WWOX: variants seen among roughly 807,000 people sequenced by gnomAD.
WWOX encodes the protein WW domain containing oxidoreductase, also known as WW domain-containing oxidoreductase.
In WWOX, 69 loss-of-function variants were observed where a neutral mutation model predicts 46.2. The observed-to-expected ratio is 1.49, with a 90% confidence interval of 1.23 to 1.82. The LOEUF (loss-of-function observed/expected upper bound fraction) is 1.82. Among genes scored for constraint, WWOX ranks in the 40% most tolerant of loss-of-function variants. The pLI is 0.00. For synonymous variants in WWOX, 359 were observed against 202.6 expected (o/e 1.77, Z -6.56); for missense variants, 919 against 542.6 (o/e 1.69, Z -6.89).
chr16:79,000,905 T>G (rs2047079592), intron 8 of WWOX, among the ~76,000 whole-genome samples: 1 of 152,172 alleles, frequency 6.6e-6, no homozygotes, highest in Non-Finnish European at 1.5e-5. Context: ...TGTGTGATGA[T>G]TTAATTAATA....
chr16:78,885,588 C>T (rs1185229370), intron 8 of WWOX, among the ~76,000 whole-genome samples: 1 of 152,112 alleles, frequency 6.6e-6, no homozygotes, highest in African/African-American at 2.4e-5. Context: ...TTCTGCTAAC[C>T]AAAATTCAGA....
chr16:78,165,124 G>T (rs184500775), intron 5 of WWOX, among the ~76,000 whole-genome samples: 1 of 152,214 alleles, frequency 6.6e-6, no homozygotes, highest in Admixed American at 6.5e-5. Context: ...GCTGTTGGGG[G>T]ATGGGTATCT....
At chr16:78,842,894 A>G (rs2052198699) in intron 8 of WWOX, among the ~76,000 whole-genome samples, 1 of 149,886 alleles carries the variant, frequency 6.7e-6, no homozygotes, top group Admixed American at 6.7e-5. Flanking sequence ...ATAAAGATAG[A>G]CTTAAAATAC....
intron 8 of WWOX, among the ~76,000 whole-genome samples, chr16:79,196,152 AT>A (rs1354934158): frequency 5.3e-5 from 8 of 152,232 alleles, no homozygotes; most frequent in Admixed American, 5.2e-4. Flanking sequence ...AGCAAAAATC[AT>A]CCTCTTCTCT....
chr16:78,358,678 G>GCA (rs2081347550), intron 5 of WWOX, among the ~76,000 whole-genome samples: 1 of 65,340 alleles, frequency 1.5e-5, no homozygotes, highest in African/African-American at 3.8e-5. Flanking sequence ...TAATATGTGT[G>GCA]TGTGTGTGTG....
chr16:78,874,255 C>CAAA (rs55971104), intron 8 of WWOX, among the ~76,000 whole-genome samples: 22 of 91,518 alleles, frequency 2.4e-4, no homozygotes, highest in African/African-American at 8.7e-4. Context: ...GACTCTGTCT[C>CAAA]AAAAAAAAAA....
chr16:79,172,735 T>G (rs935500151), intron 8 of WWOX, among the ~76,000 whole-genome samples: 5 of 152,116 alleles, frequency 3.3e-5, no homozygotes, highest in African/African-American at 1.2e-4. Context: ...GTAACCTAAA[T>G]GCCTTCACGG....
At chr16:78,827,965 G>GT (rs2051709634) in intron 8 of WWOX, among the ~76,000 whole-genome samples, 6 of 152,326 alleles carry the variant, frequency 3.9e-5, no homozygotes, top group South Asian at 4.1e-4. Flanking sequence ...GACATGACTG[G>GT]GGACAGAGTT....
At chr16:78,893,165 C>T (rs561198080) in intron 8 of WWOX, among the ~76,000 whole-genome samples, 9 of 151,070 alleles carry the variant, frequency 6.0e-5, no homozygotes, top group African/African-American at 1.5e-4. Context: ...CAAAGACACA[C>T]GACTATGAGA....
chr16:78,628,873 C>T (rs1054917623), intron 8 of WWOX, among the ~76,000 whole-genome samples: 5 of 152,274 alleles, frequency 3.3e-5, no homozygotes, highest in South Asian at 4.1e-4. Context: ...TTGTGAATCT[C>T]CCATTAGTGA....
At chr16:78,292,080 TTC>T (rs1238513909) in intron 5 of WWOX, among the ~76,000 whole-genome samples, 11 of 151,028 alleles carry the variant, frequency 7.3e-5, no homozygotes, top group South Asian at 2.1e-4. Flanking sequence ...TTTTTTTTTT[TTC>T]CCTTGAGACA....
intron 8 of WWOX, among the ~76,000 whole-genome samples, chr16:78,981,255 G>T (rs2046675571): frequency 6.6e-6 from 1 of 152,044 alleles, no homozygotes; most frequent in African/African-American, 2.4e-5. Flanking sequence ...CCTCTTATTA[G>T]GATTTCTCTG....
At chr16:78,863,483 A>G (rs529792185) in intron 8 of WWOX, among the ~76,000 whole-genome samples, 1 of 152,304 alleles carries the variant, frequency 6.6e-6, no homozygotes. Context: ...TCAGAGAGTC[A>G]CCAATGGACC....
intron 8 of WWOX, among the ~76,000 whole-genome samples, chr16:78,476,383 A>G (rs982855851): frequency 6.6e-6 from 1 of 152,062 alleles, no homozygotes; most frequent in Admixed American, 6.6e-5. Flanking sequence ...GCATGTTCTC[A>G]CTCATAGGTG....
intron 5 of WWOX, among the ~76,000 whole-genome samples, chr16:78,353,175 C>T (rs1161555088): frequency 6.6e-6 from 1 of 152,158 alleles, no homozygotes; most frequent in Admixed American, 6.5e-5. Flanking sequence ...TTCATCATAA[C>T]ACCTATCTTA....
chr16:78,480,493 A>G (rs931714246), intron 8 of WWOX, among the ~76,000 whole-genome samples: 2 of 152,224 alleles, frequency 1.3e-5, no homozygotes, highest in African/African-American at 4.8e-5. Context: ...TTGAAATAGG[A>G]CTATTGTTGT....
At chr16:79,087,986 C>G (rs1388701715) in intron 8 of WWOX, among the ~76,000 whole-genome samples, 2 of 152,184 alleles carry the variant, frequency 1.3e-5, no homozygotes, top group African/African-American at 2.4e-5. Flanking sequence ...CTTGGCTTCT[C>G]TCTTCCATTC....
At chr16:78,574,413 G>C (rs192951776) in intron 8 of WWOX, among the ~76,000 whole-genome samples, 4 of 152,234 alleles carry the variant, frequency 2.6e-5, no homozygotes, top group African/African-American at 4.8e-5. Context: ...ACAACTTGAA[G>C]TATCTTCTCT....
chr16:78,749,060 C>G (rs1432562657), intron 8 of WWOX, among the ~76,000 whole-genome samples: 1 of 152,236 alleles, frequency 6.6e-6, no homozygotes, highest in Non-Finnish European at 1.5e-5. Flanking sequence ...TTATCAATTG[C>G]TGATCACATG....
Sources: allele counts gnomAD v4.1 joint callset (sites outside exome capture counted in the v4.1 genomes callset), GRCh38; gene constraint gnomAD v4.1.1; transcripts MANE v1.5; gene names NCBI Gene and HGNC (gene_info 2026-07-23, HGNC 2026-07-21).